The following PHACTR2 variants were observed in gnomAD, a reference collection of about 807,000 sequenced individuals.
PHACTR2 encodes the protein phosphatase and actin regulator 2.
In PHACTR2, 30 loss-of-function variants were observed where a neutral mutation model predicts 76.0. The ratio of observed to expected loss-of-function variants is 0.39; its 90% CI spans 0.30 to 0.54. The LOEUF (loss-of-function observed/expected upper bound fraction) is 0.54, where lower values mean the gene tolerates loss of function less well. Among genes scored for constraint, PHACTR2 ranks in the 20% least tolerant of loss-of-function variants. The pLI, the probability that PHACTR2 is intolerant of heterozygous loss-of-function variation, is 0.61. For synonymous variants in PHACTR2, 292 were observed against 292.5 expected (o/e 1.00, Z 0.02); for missense variants, 696 against 781.1 (o/e 0.89, Z 1.30).
Position 143,784,112 on chromosome 6 carries a change from T to C in PHACTR2, c.1707+832T>C, listed in dbSNP as rs562466419. Among the ~76,000 whole-genome samples the C allele has an allele frequency of 2.2e-3, 335 of 152,302 alleles. 1 individual carries two copies. Among genetic ancestry groups the C allele is most frequent in the Non-Finnish European group, 3.9e-3 (263 of 68,026 alleles). On this transcript the variant is annotated intron_variant, in intron 10 of 12. Coordinates refer to ENST00000440869, the MANE Select transcript of PHACTR2 (RefSeq NM_001100164.2). This position sits in a 1 kb window ranked among gnomAD's most constrained non-coding sequence, Gnocchi z 4.5. ...ATTATTTCTTAAAATGCTCACACTTTCCATTTAGTGTTGGAAATATTAAAC... is the reference window on the plus strand; with the variant it reads ...ATTATTTCTTAAAATGCTCACACTTCCCATTTAGTGTTGGAAATATTAAAC...
At chr6:143,603,051 A>G (rs1178746269) in intron 1 of PHACTR2, among the ~76,000 whole-genome samples, 1 of 151,070 alleles carries the variant, frequency 6.6e-6, no homozygotes, top group African/African-American at 2.4e-5. Context: ...AGGCTGAGAC[A>G]GGAGAACTGC....
Position 143,698,918 on chromosome 6 carries a change from T to G in PHACTR2, c.47-13098T>G, listed in dbSNP as rs76973758. ...CCTTGGATTGTCCGAACCCTGGGTC[T>G]CCTTGGCAACACTGTTGCCCTGGTA... On this transcript the variant is annotated intron_variant, in intron 1 of 12. Transcript: ENST00000440869. This position sits in a 1 kb window ranked among gnomAD's most constrained non-coding sequence, Gnocchi z 4.3. Among the ~76,000 whole-genome samples the G allele has an allele frequency of 1.7e-3, 255 of 152,336 alleles. 3 individuals carry two copies. The East Asian group carries it at 0.023, about 14-fold the overall frequency.
rs1776555383 is a variant in PHACTR2 at position 143,827,166 on chromosome 6, A to ATATATATATATATG, written c.*3490_*3491insGTATATATATATAT. 3 of 62,182 alleles carry ATATATATATATATG rather than the reference A, an allele frequency of 4.8e-5. No homozygotes were observed. Among genetic ancestry groups the ATATATATATATATG allele is most frequent in the Non-Finnish European group, 7.2e-5 (2 of 27,966 alleles). The allele number at this position is 62,182 out of a possible 1,614,324, so 3.9% of individuals were successfully genotyped here. The stretch of plus-strand genomic sequence containing the variant: ...GCATTAAAAAAGAAAATATATATAT[A>ATATATATATATATG]TATATATATATATATATATATATAT... On this transcript the variant is annotated 3_prime_UTR_variant, in exon 13 of 13. Transcript: ENST00000440869.
At chr6:143,720,234 G>C (rs1375850356) in intron 2 of PHACTR2, among the ~76,000 whole-genome samples, 1 of 152,110 alleles carries the variant, frequency 6.6e-6, no homozygotes, top group Admixed American at 6.5e-5. Context: ...AGATTTTAGT[G>C]ACATAAAAGA....
At position 143,621,321 on chromosome 6, in the gene PHACTR2, G is replaced by A. The variant is rs1776148447; in HGVS notation, c.13+12999G>A. Reference sequence around the variant, plus strand: ...TGAATTGACAACAAAGAAAACTCAGGAGGGCGCGAATGAGTTCCTGTGGAT... The same window carrying A: ...TGAATTGACAACAAAGAAAACTCAGAAGGGCGCGAATGAGTTCCTGTGGAT... On this transcript the variant is annotated intron_variant, in intron 1 of 11. Transcript: ENST00000305766. The surrounding 1 kb of genome is among the most constrained non-coding windows in gnomAD (Gnocchi z 4.1). Among the ~76,000 whole-genome samples the A allele has an allele frequency of 6.6e-6, 1 of 152,170 alleles. No individual in the cohort carries two copies. Among genetic ancestry groups the A allele is most frequent in the Admixed American group, 6.5e-5 (1 of 15,276 alleles).
intron 1 of PHACTR2, among the ~76,000 whole-genome samples, chr6:143,655,540 G>A (rs1382152017): frequency 6.6e-6 from 1 of 152,214 alleles, no homozygotes; most frequent in Admixed American, 6.5e-5. Flanking sequence ...TATGGAATAT[G>A]TCATTAATTA....
rs752465916 is a variant in PHACTR2, at chr6:143,806,545, T to C, written c.1846-512T>C. Among the ~76,000 whole-genome samples, 3 of 152,184 alleles carry C rather than the reference T, an allele frequency of 2.0e-5. No individual in the cohort carries two copies. Among genetic ancestry groups the C allele is most frequent in the Admixed American group, 6.5e-5 (1 of 15,284 alleles). ...GTTCCGTGTGACTCATAGACCAGACTCAAGGATGAGTTTAGCAAAGGCCCG... is the reference window on the plus strand; with the variant it reads ...GTTCCGTGTGACTCATAGACCAGACCCAAGGATGAGTTTAGCAAAGGCCCG... On this transcript the variant is annotated intron_variant, in intron 11 of 12. Transcript: ENST00000440869. The surrounding 1 kb of genome is among the most constrained non-coding windows in gnomAD (Gnocchi z 5.8).
At position 143,591,491 on chromosome 6, in the gene PHACTR2, A is replaced by C. The variant is rs1775691915; in HGVS notation, c.217+54284A>C. On this transcript the variant is annotated intron_variant, in intron 1 of 11. Coordinates refer to the PHACTR2 transcript ENST00000367584. The surrounding 1 kb of genome is among the most constrained non-coding windows in gnomAD (Gnocchi z 6.4). ...GAGCATATGAGACCAGGAGGGACTA[A>C]GGTGGTCCTTTCCCAGCCAGGGGTT... Among the ~76,000 whole-genome samples the C allele has an allele frequency of 6.6e-6, 1 of 152,232 alleles. No homozygotes were observed. Among genetic ancestry groups the C allele is most frequent in the South Asian group, 2.1e-4 (1 of 4,836 alleles).
intron 2 of PHACTR2, among the ~76,000 whole-genome samples, chr6:143,734,800 G>T (rs893335977): frequency 6.6e-6 from 1 of 152,076 alleles, no homozygotes; most frequent in Non-Finnish European, 1.5e-5. Context: ...CCCTTGCTTG[G>T]GTGGATAATT....
chr6:143,626,812 T>A (rs1776269058), intron 1 of PHACTR2, among the ~76,000 whole-genome samples: 1 of 152,178 alleles, frequency 6.6e-6, no homozygotes, highest in Non-Finnish European at 1.5e-5. Context: ...GGGAAGGGTT[T>A]TAGCAAAGAC....
chr6:143,677,246 T>G (rs1777266810), upstream of PHACTR2, among the ~76,000 whole-genome samples: 1 of 151,840 alleles, frequency 6.6e-6, no homozygotes. Context: ...GCATGAAGAT[T>G]ACTTATACTA....
In PHACTR2 at chr6:143,742,470, G is replaced by A. The variant is rs560347063; in HGVS notation, c.215-6515G>A. On this transcript the variant is annotated intron_variant, in intron 2 of 12. Coordinates refer to ENST00000440869, the MANE Select transcript of PHACTR2 (RefSeq NM_001100164.2). This position sits in a 1 kb window ranked among gnomAD's most constrained non-coding sequence, Gnocchi z 4.5. Reference sequence around the variant, plus strand: ...AAAGCCTTGCTTTCCTATTGTTCCAGCAAATTTTTTGGGCCTGGATCTTAT... The same window carrying A: ...AAAGCCTTGCTTTCCTATTGTTCCAACAAATTTTTTGGGCCTGGATCTTAT... Among the ~76,000 whole-genome samples the A allele has an allele frequency of 3.3e-5, 5 of 152,292 alleles. No individual in the cohort carries two copies. The highest frequency in any genetic ancestry group is 3.9e-4 in the East Asian group (2 of 5,176).
At position 143,733,332 on chromosome 6, in the gene PHACTR2, A is replaced by T. The variant is rs1463133896; in HGVS notation, c.215-15653A>T. ...GATTATAAATTCCATGAGAACAGGG[A>T]TTTTTGTTTTCTTCTTTGGTGAGAT... On this transcript the variant is annotated intron_variant, in intron 2 of 12. Transcript: ENST00000440869. This position sits in a 1 kb window ranked among gnomAD's most constrained non-coding sequence, Gnocchi z 4.0. 6.6e-6 allele frequency among the ~76,000 whole-genome samples: 1 copy of T among 152,042 alleles called. No homozygotes were observed. Among genetic ancestry groups the T allele is most frequent in the Admixed American group, 6.6e-5 (1 of 15,254 alleles).
rs1412649800 is a variant in PHACTR2, at chr6:143,772,259, T to TTCA, written c.1235_1237dup (p.Phe412_Thr413insIle). The stretch of plus-strand genomic sequence containing the variant: ...CCCATGCTTTTCTGCCTTTAACAGT[T>TTCA]TCACAACCAAAGAGGAGCTGGGGAA... On this transcript the variant is annotated inframe_insertion and splice_region_variant, in exon 7 of 13. Coordinates refer to ENST00000440869, the MANE Select transcript of PHACTR2 (RefSeq NM_001100164.2). The surrounding 1 kb of genome is among the most constrained non-coding windows in gnomAD (Gnocchi z 5.4). 4 of 1,612,494 alleles carry TTCA rather than the reference T, an allele frequency of 2.5e-6. No individual in the cohort carries two copies. Among genetic ancestry groups the TTCA allele is most frequent in the Admixed American group, 1.7e-5 (1 of 59,990 alleles).
chr6:143,703,709 C>T (rs11970230), intron 1 of PHACTR2, among the ~76,000 whole-genome samples: 3,330 of 152,042 alleles, frequency 0.022, 101 homozygotes, highest in African/African-American at 0.076. Flanking sequence ...TACCTTAATG[C>T]CGATTATTTT....
rs1777154518 is a variant in PHACTR2, at chr6:143,671,583, T to C, written c.14-40433T>C. Reference sequence around the variant, plus strand: ...TTTACTGATTTATTATGTTTACTGCTTATTTTCTGTCATTCCATTAGAAGG... The same window carrying C: ...TTTACTGATTTATTATGTTTACTGCCTATTTTCTGTCATTCCATTAGAAGG... On this transcript the variant is annotated intron_variant, in intron 1 of 11. Coordinates refer to the PHACTR2 transcript ENST00000305766. The surrounding 1 kb of genome is among the most constrained non-coding windows in gnomAD (Gnocchi z 4.6). Among the ~76,000 whole-genome samples, 1 of 152,236 alleles carries C rather than the reference T, an allele frequency of 6.6e-6. No homozygotes were observed. Among genetic ancestry groups the C allele is most frequent in the South Asian group, 2.1e-4 (1 of 4,834 alleles).
At position 143,708,795 on chromosome 6, in the gene PHACTR2, TA is replaced by T. The variant is rs936208659; in HGVS notation, c.47-3220del. Among the ~76,000 whole-genome samples the T allele has an allele frequency of 9.2e-5, 14 of 152,154 alleles. No homozygotes were observed. The highest frequency in any genetic ancestry group is 1.8e-4 in the Non-Finnish European group (12 of 68,016). On this transcript the variant is annotated intron_variant, in intron 1 of 12. Transcript: ENST00000440869. This position sits in a 1 kb window ranked among gnomAD's most constrained non-coding sequence, Gnocchi z 5.5. ...TTCTAATTGCAAATATGGTCTATGA[TA>T]GGGGAAAAATAGGCTGTTCTTAATT...
rs377120600 is a variant in PHACTR2 at position 143,730,283 on chromosome 6, A to G, written c.214+18100A>G. Among the ~76,000 whole-genome samples, 4 of 152,318 alleles carry G rather than the reference A, an allele frequency of 2.6e-5. No homozygotes were observed. The highest frequency in any genetic ancestry group is 9.6e-5 in the African/African-American group (4 of 41,568). On this transcript the variant is annotated intron_variant, in intron 2 of 12. Transcript: ENST00000440869. The surrounding 1 kb of genome is among the most constrained non-coding windows in gnomAD (Gnocchi z 4.8). Reference sequence around the variant, plus strand: ...TGCAGTTTGGGTAGAACTGATACCTATACCATATTGAACTTTCTAATTTAT... The same window carrying G: ...TGCAGTTTGGGTAGAACTGATACCTGTACCATATTGAACTTTCTAATTTAT...
chr6:143,763,359 A>C (rs1395623246), intron 5 of PHACTR2, among the ~76,000 whole-genome samples: 1 of 151,856 alleles, frequency 6.6e-6, no homozygotes, highest in Non-Finnish European at 1.5e-5. Context: ...ACTCTGTCTC[A>C]AAAAAAACAA....
Sources: gnomAD v4.1 joint callset for allele counts (sites outside exome capture counted in the v4.1 genomes callset) on GRCh38, gnomAD v4.1.1 for gene constraint, Gnocchi (gnomAD v3.1) non-coding constraint, MANE v1.5 for transcripts, NCBI Gene and HGNC (gene_info 2026-07-23, HGNC 2026-07-21) for gene names.